Variants in SCARB1 observed in about 807,000 individuals in gnomAD.
SCARB1 encodes scavenger receptor class B member 1.
A neutral mutation model predicts 57.2 loss-of-function variants in SCARB1; 30 were observed. The observed-to-expected ratio is 0.52, with a 90% CI of 0.39 to 0.71. SCARB1 has a LOEUF of 0.71. Among genes scored for constraint, SCARB1 ranks in the 30% least tolerant of loss-of-function variants. The pLI, the probability that SCARB1 is intolerant of heterozygous loss-of-function variation, is 0.00. For synonymous variants in SCARB1, 249 were observed against 268.3 expected (o/e 0.93, Z 0.70); for missense variants, 543 against 671.2 (o/e 0.81, Z 2.11).
At chr12:124,847,997 A>G (rs1443329503) in intron 1 of SCARB1, among the ~76,000 whole-genome samples, 3 of 152,196 alleles carry the variant, frequency 2.0e-5, no homozygotes, top group African/African-American at 7.2e-5. Context: ...AAGACCCAGC[A>G]AAGAGAAAAG....
At chr12:124,794,284 T>A (rs1949849342) in intron 9 of SCARB1, among the ~76,000 whole-genome samples, 1 of 152,172 alleles carries the variant, frequency 6.6e-6, no homozygotes, top group Non-Finnish European at 1.5e-5. Flanking sequence ...GGGGGTTATT[T>A]TTTTTATTTT....
intron 8 of SCARB1, among the ~76,000 whole-genome samples, chr12:124,797,002 C>T (rs942768292): frequency 1.3e-5 from 2 of 152,194 alleles, no homozygotes; most frequent in African/African-American, 4.8e-5. Flanking sequence ...TCAGCACCTG[C>T]TTTCCTTCCC....
At chr12:124,844,801 TTTTC>T (rs1025313209) in intron 1 of SCARB1, among the ~76,000 whole-genome samples, 5 of 148,612 alleles carry the variant, frequency 3.4e-5, no homozygotes, top group African/African-American at 7.5e-5. Flanking sequence ...ATGGACATTT[TTTTC>T]TTTCTTTCTT....
At chr12:124,856,973 T>A (rs1296116063) in intron 1 of SCARB1, among the ~76,000 whole-genome samples, 1 of 152,180 alleles carries the variant, frequency 6.6e-6, no homozygotes, top group Non-Finnish European at 1.5e-5. Context: ...GGGTGATGAT[T>A]AGGACAAAGC....
intron 2 of SCARB1, among the ~76,000 whole-genome samples, chr12:124,816,236 A>T (rs979218515): frequency 6.7e-6 from 1 of 149,136 alleles, no homozygotes; most frequent in African/African-American, 2.4e-5. Context: ...ATTTCCCCTT[A>T]TTTGTCCACT....
chr12:124,780,342 G>A (rs1384958552), intron 12 of SCARB1, among the ~76,000 whole-genome samples: 1 of 152,170 alleles, frequency 6.6e-6, no homozygotes, highest in African/African-American at 2.4e-5. Flanking sequence ...TGCCCAGAGG[G>A]GCTGTCTTTT....
chr12:124,860,392 C>T (rs1018514373), intron 1 of SCARB1, among the ~76,000 whole-genome samples: 5 of 152,246 alleles, frequency 3.3e-5, no homozygotes, highest in East Asian at 1.9e-4. Flanking sequence ...ACAGCAGCCT[C>T]GGAAGATGAG....
chr12:124,836,285 T>C (rs1951644731), intron 1 of SCARB1, among the ~76,000 whole-genome samples: 1 of 152,080 alleles, frequency 6.6e-6, no homozygotes, highest in South Asian at 2.1e-4. Context: ...GGCCAGAATG[T>C]CCATCAGTAC....
At chr12:124,856,617 C>T (rs1952641856) in intron 1 of SCARB1, among the ~76,000 whole-genome samples, 1 of 152,240 alleles carries the variant, frequency 6.6e-6, no homozygotes, top group African/African-American at 2.4e-5. Context: ...CACCTGTGAT[C>T]CAAGCTGTCC....
intron 1 of SCARB1, among the ~76,000 whole-genome samples, chr12:124,858,448 C>A (rs549178980): frequency 3.2e-4 from 49 of 152,142 alleles, no homozygotes; most frequent in South Asian, 6.2e-4. Context: ...AAATGAGTTG[C>A]GCTTCCCCAA....
At chr12:124,808,446 A>AC (rs1357797960) in intron 6 of SCARB1, among the ~76,000 whole-genome samples, 1 of 152,076 alleles carries the variant, frequency 6.6e-6, no homozygotes, top group Non-Finnish European at 1.5e-5. Flanking sequence ...CCCTGCCCCA[A>AC]CTTCCTGTGC....
chr12:124,841,373 C>CA (rs147734175), intron 1 of SCARB1, among the ~76,000 whole-genome samples: 25,405 of 86,754 alleles, frequency 0.29, 2,671 homozygotes, highest in East Asian at 0.36. Context: ...GACTCCGTCT[C>CA]AAAAAAAAAA....
At chr12:124,808,272 A>G (rs772143877) in intron 6 of SCARB1, among the ~76,000 whole-genome samples, 2 of 152,224 alleles carry the variant, frequency 1.3e-5, no homozygotes, top group Non-Finnish European at 2.9e-5. Context: ...CCTGGGGAAC[A>G]TAGTGAGACC....
At chr12:124,809,478 A>G (rs1339032934) in intron 6 of SCARB1, among the ~76,000 whole-genome samples, 1 of 152,186 alleles carries the variant, frequency 6.6e-6, no homozygotes, top group Non-Finnish European at 1.5e-5. Flanking sequence ...GGCCACACAG[A>G]GCAAAAGCAC....
intron 8 of SCARB1, among the ~76,000 whole-genome samples, chr12:124,798,187 G>A (rs1250409205): frequency 3.3e-5 from 5 of 152,220 alleles, no homozygotes; most frequent in African/African-American, 1.2e-4. Context: ...GAGGTGGACG[G>A]ATCACTTGAG....
In SCARB1 at chr12:124,817,695, C is replaced by T. The variant is rs371712274; in HGVS notation, c.139G>A (p.Asp47Asn). The change falls in exon 2 of 13, where the codon GAC (aspartate) becomes AAC (asparagine). Residue 47 changes from aspartate to asparagine, a missense_variant. Transcript: ENST00000261693. This position sits in a 1 kb window ranked among gnomAD's most constrained non-coding sequence, Gnocchi z 4.8. ...KQQVLKNVRI[D>N]PSSLSFNMWK... The stretch of plus-strand genomic sequence containing the variant: ...ATGTTGAAGGACAGGCTACTGGGGT[C>T]GATGCGCACGTTCTGCAGGGGAAGG... 1.5e-5 allele frequency: 24 copies of T among 1,614,016 alleles called. No individual in the cohort carries two copies. Among genetic ancestry groups the T allele is most frequent in the East Asian group, 2.2e-5 (1 of 44,882 alleles).
chr12:124,856,733 TGGGCCTCCCCCCCA>T (rs1282995167), intron 1 of SCARB1, among the ~76,000 whole-genome samples: 1 of 152,174 alleles, frequency 6.6e-6, no homozygotes, highest in Non-Finnish European at 1.5e-5. Flanking sequence ...GTGGAGACAC[TGGGCCTCCCCCCCA>T]GGTTCCGCAG....
At chr12:124,856,315 T>C (rs1451996007) in intron 1 of SCARB1, among the ~76,000 whole-genome samples, 1 of 152,176 alleles carries the variant, frequency 6.6e-6, no homozygotes, top group Non-Finnish European at 1.5e-5. Context: ...CATCACGTCG[T>C]CACACATCAA....
intron 9 of SCARB1, 116 bp from the exon 10 acceptor site, chr12:124,787,573 C>G: frequency 1.2e-6 from 1 of 845,730 alleles, no homozygotes; most frequent in Non-Finnish European, 1.9e-6. Context: ...ACACTAAACC[C>G]TCACCACCAA....
Sources: gnomAD v4.1 joint callset for allele counts (sites outside exome capture counted in the v4.1 genomes callset) on GRCh38, gnomAD v4.1.1 for gene constraint, Gnocchi (gnomAD v3.1) non-coding constraint, MANE v1.5 for transcripts, NCBI Gene and HGNC (gene_info 2026-07-23, HGNC 2026-07-21) for gene names.